The following SHB variants were observed in gnomAD, a reference collection of about 807,000 sequenced individuals.
The protein encoded by SHB is SH2 domain containing adaptor protein B.
In SHB, 20 loss-of-function variants were observed where a neutral mutation model predicts 52.3. The ratio of observed to expected loss-of-function variants is 0.38; its 90% CI spans 0.27 to 0.56. The LOEUF is 0.56. Among genes scored for constraint, SHB ranks in the 20% least tolerant of loss-of-function variants. SHB has a pLI of 0.71. For missense variants in SHB, 825 were observed against 723.3 expected, an observed-to-expected ratio of 1.14 and a Z score of -1.61; for synonymous variants, 397 against 316.5, an observed-to-expected ratio of 1.25 and a Z score of -2.70.
At chr9:37,944,298 T>C (rs929736567) in intron 5 of SHB, among the ~76,000 whole-genome samples, 1 of 152,112 alleles carries the variant, frequency 6.6e-6, no homozygotes, top group African/African-American at 2.4e-5. Flanking sequence ...CAGCTTGGGC[T>C]GATCCAGGGA....
At chr9:37,993,677 AAAAG>A (rs1282944053) in intron 2 of SHB, among the ~76,000 whole-genome samples, 1 of 152,184 alleles carries the variant, frequency 6.6e-6, no homozygotes, top group Non-Finnish European at 1.5e-5. Context: ...CTTAAAAAAA[AAAAG>A]AAAATATAAA....
At chr9:37,953,397 A>G (rs1217873494) in intron 4 of SHB, among the ~76,000 whole-genome samples, 1 of 151,592 alleles carries the variant, frequency 6.6e-6, no homozygotes, top group Admixed American at 6.6e-5. Context: ...CAGCAGGGGC[A>G]GTTGAGAGGA....
intron 1 of SHB, among the ~76,000 whole-genome samples, chr9:38,058,155 G>T (rs1411340444): frequency 6.6e-6 from 1 of 152,198 alleles, no homozygotes; most frequent in Non-Finnish European, 1.5e-5. Context: ...ACTGTAGATG[G>T]GATCCCCTCT....
At chr9:37,950,948 G>A (rs149485700) in intron 4 of SHB, among the ~76,000 whole-genome samples, 1 of 152,318 alleles carries the variant, frequency 6.6e-6, no homozygotes, top group Non-Finnish European at 1.5e-5. Context: ...GCTGCCTCCT[G>A]GTGCCTGTCT....
intron 1 of SHB, among the ~76,000 whole-genome samples, chr9:38,046,229 C>T (rs1009651464): frequency 2.0e-5 from 3 of 152,122 alleles, no homozygotes; most frequent in Non-Finnish European, 2.9e-5. Flanking sequence ...CAGGGTTGGG[C>T]AAAGCTTCAC....
chr9:37,958,825 T>C (rs987107393), intron 3 of SHB, among the ~76,000 whole-genome samples: 5 of 152,164 alleles, frequency 3.3e-5, no homozygotes, highest in Non-Finnish European at 7.3e-5. Flanking sequence ...GGCACCCTGA[T>C]GGCAACCAAT....
At chr9:37,974,928 G>T (rs1339576574) in intron 2 of SHB, 91 bp from the exon 3 acceptor site, 6 of 1,108,224 alleles carry the variant, frequency 5.4e-6, no homozygotes, top group Non-Finnish European at 6.7e-6. Flanking sequence ...ACTCAGAGCT[G>T]CCAGCGGGGA....
intron 2 of SHB, among the ~76,000 whole-genome samples, chr9:37,991,166 T>C (rs953820707): frequency 2.0e-5 from 3 of 152,192 alleles, no homozygotes; most frequent in African/African-American, 7.2e-5. Context: ...TGAGGGTCTA[T>C]GTGGAACGAG....
intron 1 of SHB, among the ~76,000 whole-genome samples, chr9:38,050,540 C>T (rs545591304): frequency 2.6e-5 from 4 of 152,158 alleles, no homozygotes; most frequent in East Asian, 1.9e-4. Context: ...GACACAAGAA[C>T]GTATGAACAA....
chr9:38,067,506 C>A (rs1286350311), intron 1 of SHB, among the ~76,000 whole-genome samples: 1 of 152,170 alleles, frequency 6.6e-6, no homozygotes, highest in Non-Finnish European at 1.5e-5. Context: ...TAATATTGGG[C>A]GAGTCCCTTC....
At chr9:37,972,909 A>C (rs1250311672) in intron 3 of SHB, among the ~76,000 whole-genome samples, 1 of 152,190 alleles carries the variant, frequency 6.6e-6, no homozygotes, top group Non-Finnish European at 1.5e-5. Flanking sequence ...GGCAAAATAA[A>C]TTTTAAACAA....
chr9:37,927,953 T>C (rs1366643678), intron 5 of SHB, among the ~76,000 whole-genome samples: 2 of 151,920 alleles, frequency 1.3e-5, no homozygotes, highest in African/African-American at 4.8e-5. Flanking sequence ...TTTCTCTCTT[T>C]TTTTTTTTTC....
chr9:38,002,023 G>C (rs185689417), intron 2 of SHB, among the ~76,000 whole-genome samples: 1 of 152,134 alleles, frequency 6.6e-6, no homozygotes, highest in Admixed American at 6.6e-5. Context: ...GAAGGGGACA[G>C]GGACTGATGT....
At position 37,990,543 on chromosome 9, in the gene SHB, A is replaced by C. The variant is rs180850974; in HGVS notation, c.839-15706T>G. Among the ~76,000 whole-genome samples, 417 of 152,360 alleles carry C rather than the reference A, an allele frequency of 2.7e-3. 4 individuals carry two copies. In the East Asian group the frequency reaches 0.053, roughly 19 times the overall value. Reference sequence around the variant, plus strand: ...TAGCACAGAAAACAAATGTTTAAAAAAAAATTTGTGTATTCTAAAAAGGGA... The same window carrying C: ...TAGCACAGAAAACAAATGTTTAAAACAAAATTTGTGTATTCTAAAAAGGGA... On this transcript the variant is annotated intron_variant, in intron 2 of 5. Transcript: ENST00000377707.
chr9:38,010,790 C>T (rs918907224), intron 2 of SHB, among the ~76,000 whole-genome samples: 1 of 152,174 alleles, frequency 6.6e-6, no homozygotes, highest in East Asian at 1.9e-4. Flanking sequence ...CACAGCCCGG[C>T]CTGGAGCCCC....
At chr9:38,002,496 C>G (rs1008563060) in intron 2 of SHB, among the ~76,000 whole-genome samples, 3 of 152,110 alleles carry the variant, frequency 2.0e-5, no homozygotes, top group Non-Finnish European at 2.9e-5. Flanking sequence ...ACTACCGAAC[C>G]ACGTGAAACA....
At chr9:38,065,060 A>G (rs1235667484) in intron 1 of SHB, among the ~76,000 whole-genome samples, 1 of 152,172 alleles carries the variant, frequency 6.6e-6, no homozygotes, top group Non-Finnish European at 1.5e-5. Flanking sequence ...GGCTGCAGTG[A>G]GCCATAACTG....
chr9:38,031,111 G>A (rs1821406966), intron 1 of SHB, among the ~76,000 whole-genome samples: 1 of 152,178 alleles, frequency 6.6e-6, no homozygotes, highest in Non-Finnish European at 1.5e-5. Flanking sequence ...CACGAGGTCA[G>A]GAGATAGAGA....
chr9:37,971,997 T>A (rs1820595354), intron 3 of SHB, among the ~76,000 whole-genome samples: 1 of 152,166 alleles, frequency 6.6e-6, no homozygotes, highest in African/African-American at 2.4e-5. Context: ...CCTGAGACCC[T>A]GCATTTCTAA....
Sources: allele counts gnomAD v4.1 joint callset (sites outside exome capture counted in the v4.1 genomes callset), GRCh38; gene constraint gnomAD v4.1.1; transcripts MANE v1.5; gene names NCBI Gene and HGNC (gene_info 2026-07-23, HGNC 2026-07-21).